PTCHD4: variants seen among roughly 807,000 people sequenced by gnomAD.
The protein encoded by PTCHD4 is patched domain-containing protein 4.
PTCHD4 carries 33 observed loss-of-function variants against 58.1 expected under a neutral mutation model. That is an observed-to-expected ratio of 0.57 (90% confidence interval 0.43 to 0.76). The LOEUF is 0.76. Ranked by LOEUF, PTCHD4 falls within the 30% of genes least tolerant of loss-of-function variation. The pLI is 0.00. For synonymous variants in PTCHD4, 478 were observed against 409.6 expected (o/e 1.17, Z -2.02); for missense variants, 1,058 against 1,027.1 (o/e 1.03, Z -0.41).
intron 4 of PTCHD4, among the ~76,000 whole-genome samples, chr6:47,964,225 T>C (rs1767202514): frequency 1.3e-5 from 2 of 152,242 alleles, no homozygotes; most frequent in Non-Finnish European, 1.5e-5. Flanking sequence ...TTTCTTGAGA[T>C]CTGCCATACA....
intron 4 of PTCHD4, among the ~76,000 whole-genome samples, chr6:47,913,430 G>A (rs1158800801): frequency 2.0e-5 from 3 of 151,980 alleles, no homozygotes; most frequent in Non-Finnish European, 2.9e-5. Context: ...AGAAACTGAA[G>A]CAATGTGTTT....
chr6:47,868,208 A>G lies in PTCHD4; in HGVS notation c.*10095T>C, dbSNP rs1251981963. On this transcript the variant is annotated 3_prime_UTR_variant, in exon 5 of 5. Transcript: ENST00000339488. ...ACTTTACCTTTTTTTTTAAAAAAAC[A>G]CCCTTGTCCTTAATTTTTCTTTATG... 1.3e-5 allele frequency among the ~76,000 whole-genome samples: 2 copies of G among 151,506 alleles called. No homozygotes were observed. The highest frequency in any genetic ancestry group is 3.0e-5 in the Non-Finnish European group (2 of 67,732).
At chr6:47,910,389 G>A (rs1204764784) in intron 4 of PTCHD4, among the ~76,000 whole-genome samples, 1 of 151,980 alleles carries the variant, frequency 6.6e-6, no homozygotes, top group East Asian at 1.9e-4. Context: ...CAGAGGGAGG[G>A]CATATTACTT....
chr6:48,020,575 T>C (rs2180740), intron 3 of PTCHD4, among the ~76,000 whole-genome samples: 123,530 of 151,880 alleles, frequency 0.81, 50,258 homozygotes, highest in Middle Eastern at 0.84. Flanking sequence ...TCTGGGAAAG[T>C]GCATTGCTAT....
intron 3 of PTCHD4, among the ~76,000 whole-genome samples, chr6:48,011,824 T>G (rs1002201785): frequency 1.3e-5 from 2 of 152,198 alleles, no homozygotes; most frequent in African/African-American, 4.8e-5. Flanking sequence ...ATTTATTAAA[T>G]AGGGAATCTT....
At chr6:47,909,793 CT>C (rs141000885) in intron 4 of PTCHD4, among the ~76,000 whole-genome samples, 7,781 of 151,828 alleles carry the variant, frequency 0.051, 230 homozygotes, top group East Asian at 0.078. Flanking sequence ...CAAGTCCATT[CT>C]TCCTTTTTTC....
chr6:48,029,601 A>C (rs1763366267), intron 3 of PTCHD4, among the ~76,000 whole-genome samples: 1 of 152,116 alleles, frequency 6.6e-6, no homozygotes, highest in Non-Finnish European at 1.5e-5. Flanking sequence ...CCATTTAGTA[A>C]AATATGCCTT....
At chr6:48,099,108 C>T (rs1411991380) in intron 1 of PTCHD4, among the ~76,000 whole-genome samples, 1 of 152,198 alleles carries the variant, frequency 6.6e-6, no homozygotes, top group Non-Finnish European at 1.5e-5. Context: ...AAGCTGCTTC[C>T]TTCCTGGCAG....
intron 1 of PTCHD4, among the ~76,000 whole-genome samples, chr6:48,082,110 A>G (rs1765179404): frequency 6.6e-6 from 1 of 152,210 alleles, no homozygotes; most frequent in Non-Finnish European, 1.5e-5. Context: ...TTGCCTATTC[A>G]TGAATCCAGG....
intron 3 of PTCHD4, among the ~76,000 whole-genome samples, chr6:48,053,682 G>A (rs1764310561): frequency 6.6e-6 from 1 of 152,022 alleles, no homozygotes; most frequent in African/African-American, 2.4e-5. Flanking sequence ...CTTTTAAAGT[G>A]TCTCCGGACA....
At chr6:48,038,467 C>A (rs1016333381) in intron 3 of PTCHD4, among the ~76,000 whole-genome samples, 4 of 151,536 alleles carry the variant, frequency 2.6e-5, no homozygotes, top group African/African-American at 7.3e-5. Context: ...CATGGTGAAA[C>A]CCCATCTCTA....
intron 4 of PTCHD4, among the ~76,000 whole-genome samples, chr6:47,899,027 T>G (rs963604812): frequency 6.6e-6 from 1 of 152,180 alleles, no homozygotes; most frequent in African/African-American, 2.4e-5. Context: ...GGGAGAAGAC[T>G]AGAAGTATCC....
chr6:48,057,277 C>A (rs1764445491), intron 3 of PTCHD4, among the ~76,000 whole-genome samples: 1 of 151,010 alleles, frequency 6.6e-6, no homozygotes, highest in African/African-American at 2.4e-5. Flanking sequence ...CTTTCAATGT[C>A]TTTCTGTAGC....
chr6:47,934,355 C>T (rs899934135), intron 4 of PTCHD4, among the ~76,000 whole-genome samples: 1 of 152,070 alleles, frequency 6.6e-6, no homozygotes, highest in South Asian at 2.1e-4. Flanking sequence ...CCTGAATTTT[C>T]GTGGCCATGG....
At chr6:48,066,302 AATG>A (rs1486553758) in intron 3 of PTCHD4, among the ~76,000 whole-genome samples, 3 of 152,188 alleles carry the variant, frequency 2.0e-5, no homozygotes, top group Non-Finnish European at 4.4e-5. Flanking sequence ...TAAATAGCAT[AATG>A]ATATTACCAG....
chr6:48,050,034 C>G (rs949372995), intron 3 of PTCHD4, among the ~76,000 whole-genome samples: 8 of 151,846 alleles, frequency 5.3e-5, no homozygotes, highest in Non-Finnish European at 7.4e-5. Flanking sequence ...TTAATGAAAA[C>G]TAGGTATCAA....
chr6:48,083,326 T>C (rs1369856846), intron 1 of PTCHD4, among the ~76,000 whole-genome samples: 1 of 152,016 alleles, frequency 6.6e-6, no homozygotes, highest in South Asian at 2.1e-4. Context: ...AAACAGATAG[T>C]AATAGTAGAG....
intron 1 of PTCHD4, among the ~76,000 whole-genome samples, chr6:48,106,357 A>G (rs192384764): frequency 6.6e-6 from 1 of 152,214 alleles, no homozygotes; most frequent in Non-Finnish European, 1.5e-5. Flanking sequence ...AAACCACATG[A>G]TTATCTCAAT....
rs767972968 is a variant in PTCHD4 at position 47,879,321 on chromosome 6, T to C, written c.1514A>G (p.Gln505Arg). The C allele has an allele frequency of 1.2e-6, 2 of 1,613,058 alleles. No homozygotes were observed. Among genetic ancestry groups the C allele is most frequent in the Non-Finnish European group, 1.7e-6 (2 of 1,179,492 alleles). ...GCTATAGTTGCTGAAATATTTCTGCTGAACCATGGCATAGGAAACACTTGG... is the reference window on the plus strand; with the variant it reads ...GCTATAGTTGCTGAAATATTTCTGCCGAACCATGGCATAGGAAACACTTGG... The part of the protein sequence containing the change: ...DSPSVSYAMV[Q>R]QKYFSNYSPV... The change falls in exon 5 of 5, where the codon CAG becomes CGG. Residue 505 changes from glutamine (Q) to arginine (R), a missense_variant. Transcript: ENST00000339488.
Sources: allele counts gnomAD v4.1 joint callset (sites outside exome capture counted in the v4.1 genomes callset), GRCh38; gene constraint gnomAD v4.1.1; transcripts MANE v1.5; gene names NCBI Gene and HGNC (gene_info 2026-07-23, HGNC 2026-07-21).